Variants in PTPN3 observed in about 807,000 individuals in gnomAD.
The protein encoded by PTPN3 is protein tyrosine phosphatase non-receptor type 3.
Under a neutral mutation model 132.7 loss-of-function variants are expected in PTPN3, and 96 were observed. The ratio of observed to expected loss-of-function variants is 0.72; its 90% CI spans 0.61 to 0.86. PTPN3 has a LOEUF of 0.86. Ranked by LOEUF, PTPN3 falls within the 40% of genes least tolerant of loss-of-function variation. The probability of loss-of-function intolerance (pLI) is 0.00; values close to 1 mark genes in which losing one functional copy is unlikely to be tolerated. For synonymous variants in PTPN3, 398 were observed against 429.0 expected (o/e 0.93, Z 0.89); for missense variants, 1,125 against 1,159.6 (o/e 0.97, Z 0.43).
At chr9:109,463,272 TAAA>T (rs200343380) in intron 2 of PTPN3, 22 bp downstream of exon 2, 2 of 1,126,260 alleles carry the variant, frequency 1.8e-6, no homozygotes, top group Non-Finnish European at 2.4e-6. Context: ...TCAGGAAAAG[TAAA>T]AAAAAAAAGT....
intron 19 of PTPN3, 119 bp downstream of exon 19, chr9:109,404,329 A>C: frequency 2.6e-6 from 2 of 767,520 alleles, no homozygotes; most frequent in Non-Finnish European, 3.7e-6. Flanking sequence ...TGAAACACAC[A>C]ATCATCTCGA....
intron 1 of PTPN3, among the ~76,000 whole-genome samples, chr9:109,477,910 T>G (rs1846764528): frequency 6.6e-6 from 1 of 152,178 alleles, no homozygotes; most frequent in East Asian, 1.9e-4. Context: ...TCTTGCTCAC[T>G]CACCTTTCGG....
At chr9:109,518,425 A>G in the PTPN3 span, among the ~76,000 whole-genome samples, 2 of 152,132 alleles carry the variant, frequency 1.3e-5, no homozygotes, top group African/African-American at 4.8e-5. Context: ...TGCCTAGTCC[A>G]ATTGGAGGCA....
At chr9:109,477,275 G>A (rs1426670640) in intron 1 of PTPN3, among the ~76,000 whole-genome samples, 1 of 152,110 alleles carries the variant, frequency 6.6e-6, no homozygotes, top group South Asian at 2.1e-4. Context: ...AACACTCCCC[G>A]AGGCTCTCAT....
At chr9:109,509,069 C>A in the PTPN3 span, among the ~76,000 whole-genome samples, 1 of 152,164 alleles carries the variant, frequency 6.6e-6, no homozygotes, top group African/African-American at 2.4e-5. Context: ...AGGGCACATT[C>A]TTTTGTTGTC....
In PTPN3 at chr9:109,431,797, A is replaced by G. The variant is rs559784031; in HGVS notation, c.764+1276T>C. Among the ~76,000 whole-genome samples, 11 of 152,256 alleles carry G rather than the reference A, an allele frequency of 7.2e-5. No homozygotes were observed. The East Asian group carries it at 2.1e-3, about 29-fold the overall frequency. ...GAGCTAGACTCTGATGTGAGTTTCA[A>G]CTACTCTGATTATTAGCTGTGTCAC... On this transcript the variant is annotated intron_variant, in intron 10 of 25. Coordinates refer to ENST00000374541, the MANE Select transcript of PTPN3 (RefSeq NM_002829.4).
rs1588417740 is a variant in PTPN3 at position 109,433,014 on chromosome 9, T to C, written c.764+59A>G. ...ATTTAGAATGGGAGGTAACATTACT[T>C]TTGTTAGGCATATTTTTAAAGCATG... On this transcript the variant is annotated intron_variant, in intron 10 of 25. Transcript: ENST00000374541. 13 of 1,596,198 alleles carry C rather than the reference T, an allele frequency of 8.1e-6. No individual in the cohort carries two copies. In the East Asian group the frequency reaches 2.7e-4, roughly 33 times the overall value.
At chr9:109,445,147 A>T (rs45581632) in intron 7 of PTPN3, 93 bp downstream of exon 7, 57,745 of 1,303,904 alleles carry the variant, frequency 0.044, 2,880 homozygotes, top group East Asian at 0.29. Context: ...CCTGGGGAAG[A>T]GGGACTTGGT....
At chr9:109,504,224 C>A in the PTPN3 span, among the ~76,000 whole-genome samples, 18 of 152,124 alleles carry the variant, frequency 1.2e-4, no homozygotes, top group Non-Finnish European at 2.1e-4. Context: ...ATTAAAGAAG[C>A]TGGTGAGCAA....
At chr9:109,391,432 A>C (rs1174060780) in intron 20 of PTPN3, 39 bp downstream of exon 20, 1 of 1,548,522 alleles carries the variant, frequency 6.5e-7, no homozygotes, top group African/African-American at 1.4e-5. Context: ...ACATTATCTC[A>C]GTGTAGGGGG....
At chr9:109,464,973 C>T (rs547031823) in intron 1 of PTPN3, among the ~76,000 whole-genome samples, 2 of 152,278 alleles carry the variant, frequency 1.3e-5, no homozygotes, top group East Asian at 1.9e-4. Context: ...CATTCTATTT[C>T]GTGATGTGGG....
At chr9:109,414,663 C>T (rs1172428095) in intron 14 of PTPN3, among the ~76,000 whole-genome samples, 1 of 152,188 alleles carries the variant, frequency 6.6e-6, no homozygotes, top group Admixed American at 6.5e-5. Flanking sequence ...TATGAGCTCA[C>T]AGTCTTTCCT....
intron 19 of PTPN3, among the ~76,000 whole-genome samples, chr9:109,395,332 T>G (rs1035951467): frequency 1.3e-5 from 2 of 152,202 alleles, no homozygotes; most frequent in African/African-American, 4.8e-5. Context: ...AAGCACAAAA[T>G]TTTTACAAAA....
Position 109,396,403 on chromosome 9 carries a change from C to T in PTPN3, c.1954-4842G>A, listed in dbSNP as rs555252724. ...ACTTTTTTTTCATTTTCCAATTCAT[C>T]GGAAAAACAACAATTTGCTTTGGTT... On this transcript the variant is annotated intron_variant, in intron 19 of 25. Coordinates refer to ENST00000374541, the MANE Select transcript of PTPN3 (RefSeq NM_002829.4). 1.1e-3 allele frequency among the ~76,000 whole-genome samples: 162 copies of T among 151,976 alleles called. 1 individual carries two copies. The highest frequency in any genetic ancestry group is 3.5e-3 in the African/African-American group (146 of 41,422).
chr9:109,410,406 G>A lies in PTPN3; in HGVS notation c.1323C>T (p.Ser441=), dbSNP rs199620488. The part of the protein sequence containing the change: ...QNRSPHQESL[S]ENNPAQSYLT... ...GGTAGCTTTGTGCCGGATTGTTCTC[G>A]GATAAACTCCTTCATCATGGGGAAG... Residue 441 remains serine (S), a synonymous_variant, in exon 15 of 26, where the codon TCC becomes TCT. Coordinates refer to ENST00000374541, the MANE Select transcript of PTPN3 (RefSeq NM_002829.4). The A allele has an allele frequency of 3.6e-5, 58 of 1,613,862 alleles. No homozygotes were observed. The highest frequency in any genetic ancestry group is 7.7e-5 in the South Asian group (7 of 91,034).
At chr9:109,478,230 G>A (rs979008548) in intron 1 of PTPN3, among the ~76,000 whole-genome samples, 2 of 152,210 alleles carry the variant, frequency 1.3e-5, no homozygotes, top group Non-Finnish European at 2.9e-5. Flanking sequence ...ATGTGCTCAG[G>A]TTGAACAAAA....
chr9:109,433,929 A>ATT (rs1843845815), intron 9 of PTPN3, among the ~76,000 whole-genome samples: 2 of 151,174 alleles, frequency 1.3e-5, no homozygotes, highest in African/African-American at 4.9e-5. Flanking sequence ...AAAAAAAAAA[A>ATT]AAAAAAAAAA....
At chr9:109,428,843 T>C in intron 10 of PTPN3, 159 bp from the exon 11 acceptor site, 2 of 985,422 alleles carry the variant, frequency 2.0e-6, no homozygotes, top group Non-Finnish European at 2.4e-6. Flanking sequence ...GCAGCCCCAC[T>C]GCCGCAGGCT....
intron 6 of PTPN3, among the ~76,000 whole-genome samples, chr9:109,448,519 C>A (rs747416088): frequency 7.9e-5 from 12 of 152,284 alleles, no homozygotes; most frequent in Non-Finnish European, 1.3e-4. Context: ...GCCCATTGTA[C>A]ATTCTGGGTC....
Sources: allele counts gnomAD v4.1 joint callset (sites outside exome capture counted in the v4.1 genomes callset), GRCh38; gene constraint gnomAD v4.1.1; transcripts MANE v1.5; gene names NCBI Gene and HGNC (gene_info 2026-07-23, HGNC 2026-07-21).